The following GREM2 variants were observed in gnomAD, a reference collection of about 807,000 sequenced individuals.
GREM2 encodes the protein gremlin 2, DAN family BMP antagonist, also known as gremlin-2.
Under a neutral mutation model 14.2 loss-of-function variants are expected in GREM2, and 11 were observed. The ratio of observed to expected loss-of-function variants is 0.78; its 90% CI spans 0.49 to 1.28. The LOEUF (loss-of-function observed/expected upper bound fraction) is 1.28, where lower values mean the gene tolerates loss of function less well. Among genes scored for constraint, GREM2 ranks in the 50% most tolerant of loss-of-function variants. GREM2 has a pLI of 0.00. For missense variants in GREM2, 210 were observed against 218.5 expected (o/e 0.96, Z 0.24); for synonymous variants, 98 against 97.6 (o/e 1.00, Z -0.02).
chr1:240,539,465 T>G (rs1678541822), intron 1 of GREM2, among the ~76,000 whole-genome samples: 2 of 152,164 alleles, frequency 1.3e-5, no homozygotes, highest in African/African-American at 4.8e-5. Context: ...GACAGCCCCT[T>G]CCCAGAGCCC....
chr1:240,552,281 A>G (rs1231840948), intron 1 of GREM2, among the ~76,000 whole-genome samples: 1 of 152,148 alleles, frequency 6.6e-6, no homozygotes, highest in Non-Finnish European at 1.5e-5. Flanking sequence ...ACATTTCCCT[A>G]TATAGAAAGA....
At chr1:240,525,390 A>AT (rs1678198325) in intron 1 of GREM2, among the ~76,000 whole-genome samples, 1 of 152,114 alleles carries the variant, frequency 6.6e-6, no homozygotes, top group Non-Finnish European at 1.5e-5. Flanking sequence ...ATGAAGGGAA[A>AT]TGGGGAGGGC....
intron 1 of GREM2, among the ~76,000 whole-genome samples, chr1:240,610,233 G>T (rs1680106790): frequency 1.3e-5 from 2 of 152,086 alleles, no homozygotes; most frequent in Admixed American, 1.3e-4. Context: ...ATGTAGTTGG[G>T]TCGATTAACT....
chr1:240,537,785 A>AAAAC (rs59649704), intron 1 of GREM2, among the ~76,000 whole-genome samples: 44,688 of 151,320 alleles, frequency 0.3, 9,480 homozygotes, highest in African/African-American at 0.61. Context: ...CTCTGTCTCA[A>AAAAC]AAACAAACAA....
At chr1:240,546,338 G>C (rs1229422877) in intron 1 of GREM2, among the ~76,000 whole-genome samples, 1 of 107,170 alleles carries the variant, frequency 9.3e-6, no homozygotes, top group Non-Finnish European at 1.8e-5. Flanking sequence ...GGGAGACTCA[G>C]TCTAAAAAAA....
intron 1 of GREM2, among the ~76,000 whole-genome samples, chr1:240,515,199 C>A (rs1677927651): frequency 6.6e-6 from 1 of 152,146 alleles, no homozygotes; most frequent in Non-Finnish European, 1.5e-5. Context: ...AAGTGATGTG[C>A]AATTGTGCCA....
At chr1:240,530,565 T>C (rs1678331625) in intron 1 of GREM2, 1 of 152,216 alleles carries the variant, frequency 6.6e-6, no homozygotes, top group Non-Finnish European at 1.5e-5. Flanking sequence ...CTTAAAATTG[T>C]TGTGCATAAA....
intron 1 of GREM2, among the ~76,000 whole-genome samples, chr1:240,520,697 C>T (rs1321964382): frequency 6.6e-6 from 1 of 151,886 alleles, no homozygotes; most frequent in Non-Finnish European, 1.5e-5. Context: ...CACGTGCTAC[C>T]ATGCCCAGCT....
In GREM2 at chr1:240,581,252, A is replaced by G. The variant is rs1679478607; in HGVS notation, c.-2+30632T>C. On this transcript the variant is annotated intron_variant, in intron 1 of 1. Coordinates refer to ENST00000318160, the MANE Select transcript of GREM2 (RefSeq NM_022469.4). The stretch of plus-strand genomic sequence containing the variant: ...GTGACAACAGCAAAAATCCATCTCA[A>G]AAAAAAAAAAAAAAGAGCATAAACT... 2.2e-5 allele frequency among the ~76,000 whole-genome samples: 3 copies of G among 138,204 alleles called. No individual in the cohort carries two copies. In the South Asian group the frequency reaches 6.5e-4, roughly 30 times the overall value. The allele number at this position is 138,204 out of a possible 152,430, so 90.7% of individuals were successfully genotyped here. A position where few individuals can be genotyped will look rare whatever the true frequency, so the allele number is the denominator to read the frequency against.
At position 240,539,610 on chromosome 1, in the gene GREM2, G is replaced by A. The variant is rs547026623; in HGVS notation, c.-1-46134C>T. 4.6e-5 allele frequency among the ~76,000 whole-genome samples: 7 copies of A among 152,238 alleles called. No homozygotes were observed. The South Asian group carries it at 1.0e-3, about 23-fold the overall frequency. ...GCATTTCTGGGACTTTGAAAGCCTC[G>A]AAATAACGTATCCAGGCTCTCTGGA... On this transcript the variant is annotated intron_variant, in intron 1 of 1. Coordinates refer to ENST00000318160, the MANE Select transcript of GREM2 (RefSeq NM_022469.4).
chr1:240,510,353 G>A (rs1338096073), intron 1 of GREM2, among the ~76,000 whole-genome samples: 1 of 111,968 alleles, frequency 8.9e-6, no homozygotes, highest in African/African-American at 3.6e-5. Context: ...CTGGGCGACA[G>A]AGCGAGACTC....
intron 1 of GREM2, among the ~76,000 whole-genome samples, chr1:240,548,896 G>T (rs144238312): frequency 5.3e-5 from 8 of 152,314 alleles, no homozygotes; most frequent in African/African-American, 1.9e-4. Context: ...ACTAAATAAA[G>T]AAACGGATTT....
intron 1 of GREM2, among the ~76,000 whole-genome samples, chr1:240,527,757 G>A (rs1678255874): frequency 6.6e-6 from 1 of 152,118 alleles, no homozygotes; most frequent in Non-Finnish European, 1.5e-5. Flanking sequence ...TCGTATATAA[G>A]CACACAAAGT....
chr1:240,595,567 T>C (rs993547697), intron 1 of GREM2, among the ~76,000 whole-genome samples: 16 of 152,040 alleles, frequency 1.1e-4, no homozygotes, highest in Non-Finnish European at 1.9e-4. Context: ...TATTCCCTAA[T>C]AAGGGAATTT....
intron 1 of GREM2, among the ~76,000 whole-genome samples, chr1:240,532,001 C>A (rs1678373492): frequency 6.6e-6 from 1 of 152,112 alleles, no homozygotes; most frequent in Middle Eastern, 3.2e-3. Flanking sequence ...CTAACAAGCT[C>A]TTTGACCTAG....
chr1:240,516,795 C>A (rs181888480), intron 1 of GREM2, among the ~76,000 whole-genome samples: 1 of 152,214 alleles, frequency 6.6e-6, no homozygotes, highest in Non-Finnish European at 1.5e-5. Context: ...TAATTCTGAG[C>A]CAGAATTGTG....
intron 1 of GREM2, among the ~76,000 whole-genome samples, chr1:240,555,372 A>T (rs377548258): frequency 6.6e-6 from 1 of 152,188 alleles, no homozygotes; most frequent in African/African-American, 2.4e-5. Context: ...ATATGCATAA[A>T]ACATTTAGCA....
chr1:240,491,835 T>A lies in GREM2; in HGVS notation c.*1134A>T, dbSNP rs538678476. ...ATTATAGGGGCTTTCTAGTTTCCGG[T>A]CATCAATTTCCCAACGAATGCCCTT... On this transcript the variant is annotated 3_prime_UTR_variant, in exon 2 of 2. Coordinates refer to ENST00000318160, the MANE Select transcript of GREM2 (RefSeq NM_022469.4). 3 of 152,976 alleles carry A rather than the reference T, an allele frequency of 2.0e-5. No homozygotes were observed. Among genetic ancestry groups the A allele is most frequent in the African/African-American group, 7.2e-5 (3 of 41,570 alleles). 9.5% of individuals were successfully genotyped at this position (152,976 alleles called of 1,614,324 possible).
chr1:240,510,246 T>G (rs1243299951), intron 1 of GREM2, among the ~76,000 whole-genome samples: 8 of 151,542 alleles, frequency 5.3e-5, no homozygotes, highest in Admixed American at 4.6e-4. Flanking sequence ...GGCGGGCGCC[T>G]GTAGTCCCAG....
Sources: gnomAD v4.1 joint callset for allele counts (sites outside exome capture counted in the v4.1 genomes callset) on GRCh38, gnomAD v4.1.1 for gene constraint, MANE v1.5 for transcripts, NCBI Gene and HGNC (gene_info 2026-07-23, HGNC 2026-07-21) for gene names.